DMD: variants seen among roughly 807,000 people sequenced by gnomAD.
The protein encoded by DMD is mutant dystrophin.
Under a neutral mutation model 330.1 loss-of-function variants are expected in DMD, and 63 were observed. That is an observed-to-expected ratio of 0.19 (90% CI 0.16 to 0.24). The LOEUF is 0.24. DMD is among the 10% of genes least tolerant of loss of function. The probability of loss-of-function intolerance (pLI) is 1.00; values close to 1 mark genes in which losing one functional copy is unlikely to be tolerated. For missense variants in DMD, 3,344 were observed against 2,684.1 expected (o/e 1.25, Z -5.43); for synonymous variants, 1,223 against 959.8 (o/e 1.27, Z -5.07).
intron 43 of DMD, among the ~76,000 whole-genome samples, chrX:32,243,040 G>T (rs1443501563): frequency 9.3e-6 from 1 of 107,600 alleles, no homozygotes; most frequent in Non-Finnish European, 1.9e-5. Context: ...AGAAAAGAAA[G>T]AAAAAAAGAA....
At chrX:31,769,882 G>T (rs1236218451) in intron 51 of DMD, among the ~76,000 whole-genome samples, 1 of 111,840 alleles carries the variant, frequency 8.9e-6, no homozygotes, top group Non-Finnish European at 1.9e-5. Flanking sequence ...TTCTATTCAG[G>T]AGAATTGCCT....
rs1379939534 is a variant in DMD, at chrX:33,128,051, C to T, written c.31+83231G>A. 3.4e-6 allele frequency: 4 copies of T among 1,167,567 alleles called. No individual in the cohort carries two copies. The East Asian group carries it at 1.3e-4, about 37-fold the overall frequency. ...TATATCCCAGGGGTTGCAAATTGAC[C>T]AAAAGAGTCACCTTTAGGGAAGCCT... On this transcript the variant is annotated intron_variant, in intron 1 of 78. Transcript: ENST00000357033.
intron 1 of DMD, among the ~76,000 whole-genome samples, chrX:33,199,425 G>C (rs1398118473): frequency 9.0e-6 from 1 of 111,145 alleles, no homozygotes; most frequent in Non-Finnish European, 1.9e-5. Flanking sequence ...TGGGTGAATG[G>C]TTGCACCATT....
intron 7 of DMD, among the ~76,000 whole-genome samples, chrX:32,738,731 A>G (rs1359387065): frequency 9.0e-6 from 1 of 111,688 alleles, no homozygotes; most frequent in African/African-American, 3.2e-5. Context: ...CCATAATAAC[A>G]CAAGGAAAGA....
At chrX:31,842,580 C>T (rs1050440030) in intron 48 of DMD, among the ~76,000 whole-genome samples, 2 of 112,030 alleles carry the variant, frequency 1.8e-5, no homozygotes, top group African/African-American at 6.5e-5. Flanking sequence ...GTCACTCCAA[C>T]CTTTCAACAG....
rs143327965 is a variant in DMD at position 31,924,275 on chromosome X, G to T, written c.6912+5321C>A. Among the ~76,000 whole-genome samples the T allele has an allele frequency of 6.7e-3, 749 of 111,875 alleles. 12 individuals are homozygous for T. Among genetic ancestry groups the T allele is most frequent in the African/African-American group, 0.022 (684 of 30,793 alleles). On this transcript the variant is annotated intron_variant, in intron 47 of 78. Coordinates refer to ENST00000357033, the MANE Select transcript of DMD (RefSeq NM_004006.3). ...GATTGGACAAAGTGTCCATTTTTGA[G>T]CAAGGAGTCGGAAAGCCAAGCTCTA...
chrX:32,742,802 A>C (rs1241035589), intron 7 of DMD, among the ~76,000 whole-genome samples: 1 of 111,981 alleles, frequency 8.9e-6, no homozygotes, highest in East Asian at 2.8e-4. Context: ...ATCTTTTCGA[A>C]ATTTTCATGT....
intron 2 of DMD, among the ~76,000 whole-genome samples, chrX:32,865,132 T>C (rs979285992): frequency 2.7e-5 from 3 of 111,737 alleles, no homozygotes; most frequent in African/African-American, 6.5e-5. Context: ...TCCTTATGTG[T>C]CAGACGAGGG....
chrX:31,390,390 G>A (rs759229325), intron 60 of DMD, among the ~76,000 whole-genome samples: 19 of 109,871 alleles, frequency 1.7e-4, no homozygotes, highest in African/African-American at 6.0e-4. Flanking sequence ...TCTCATTTAC[G>A]CTTCTAGCTC....
At chrX:31,981,351 C>T (rs776756721) in intron 44 of DMD, among the ~76,000 whole-genome samples, 5 of 111,505 alleles carry the variant, frequency 4.5e-5, no homozygotes, top group African/African-American at 1.6e-4. Context: ...AATATAATGG[C>T]AAATCATCCC....
chrX:31,800,259 G>T (rs758729981), intron 50 of DMD, among the ~76,000 whole-genome samples: 70 of 112,594 alleles, frequency 6.2e-4, no homozygotes, highest in Non-Finnish European at 1.2e-3. Flanking sequence ...GCAAACTTCT[G>T]CCTGGACACC....
At position 31,814,266 on chromosome X, in the gene DMD, G is replaced by A. The variant is rs754332068; in HGVS notation, c.7309+5709C>T. ...GAAGGCCGAGGCGGGCGGATCACGA[G>A]GTCAGGAGATCGAGACCATCCTGGC... On this transcript the variant is annotated intron_variant, in intron 50 of 78. Transcript: ENST00000357033. Among the ~76,000 whole-genome samples the A allele has an allele frequency of 6.2e-3, 675 of 108,350 alleles. 9 individuals carry two copies. The highest frequency in any genetic ancestry group is 0.022 in the African/African-American group (647 of 29,712). The allele number at this position is 108,350 out of a possible 115,157, so 94.1% of individuals were successfully genotyped here.
At chrX:31,747,606 C>T (rs2087962087) in intron 51 of DMD, among the ~76,000 whole-genome samples, 1 of 111,514 alleles carries the variant, frequency 9.0e-6, no homozygotes, top group Admixed American at 9.6e-5. Flanking sequence ...GAACTGCTTT[C>T]TGTGGCATAG....
intron 60 of DMD, among the ~76,000 whole-genome samples, chrX:31,418,494 T>C (rs899938541): frequency 8.9e-6 from 1 of 111,915 alleles, no homozygotes; most frequent in African/African-American, 3.2e-5. Flanking sequence ...TGTAATATAC[T>C]AGGGAATGAC....
At chrX:32,949,972 A>ACATCCAGTGTACAGGTGCAGAGGC (rs1216328276) in intron 2 of DMD, among the ~76,000 whole-genome samples, 1 of 110,237 alleles carries the variant, frequency 9.1e-6, no homozygotes, top group South Asian at 3.9e-4. Flanking sequence ...AGGCAAAAAA[A>ACATCCAGTGTACAGGTGCAGAGGC]AAAAAAAAAA....
chrX:33,203,366 G>C (rs774719490), intron 1 of DMD, among the ~76,000 whole-genome samples: 41 of 111,840 alleles, frequency 3.7e-4, no homozygotes, highest in African/African-American at 1.3e-3. Flanking sequence ...TGGGGTTTCC[G>C]AAGAAGGTAT....
chrX:32,089,786 C>A (rs1341945000), intron 44 of DMD, among the ~76,000 whole-genome samples: 2 of 112,112 alleles, frequency 1.8e-5, no homozygotes, highest in Non-Finnish European at 3.8e-5. Context: ...AGAATGATTT[C>A]TATTCCTCTG....
chrX:31,831,664 T>C (rs1002301501), intron 49 of DMD, among the ~76,000 whole-genome samples: 7 of 111,559 alleles, frequency 6.3e-5, no homozygotes, highest in Non-Finnish European at 1.3e-4. Context: ...AGTGGCGTGA[T>C]CTCAGCTCAC....
chrX:31,539,981 T>C (rs1484528484), intron 55 of DMD, among the ~76,000 whole-genome samples: 1 of 111,715 alleles, frequency 9.0e-6, no homozygotes. Flanking sequence ...GGGTAGCCGA[T>C]GACCCCAAAT....
Sources: gnomAD v4.1 joint callset for allele counts (sites outside exome capture counted in the v4.1 genomes callset) on GRCh38, gnomAD v4.1.1 for gene constraint, MANE v1.5 for transcripts, NCBI Gene and HGNC (gene_info 2026-07-23, HGNC 2026-07-21) for gene names.